The following PALM2AKAP2 variants were observed in gnomAD, a reference collection of about 807,000 sequenced individuals.
PALM2AKAP2 encodes the protein PALM2-AKAP2 fusion protein.
In PALM2AKAP2, 37 loss-of-function variants were observed where a neutral mutation model predicts 71.5. That is an observed-to-expected ratio of 0.52 (90% CI 0.40 to 0.68). The LOEUF is 0.68. Among genes scored for constraint, PALM2AKAP2 ranks in the 30% least tolerant of loss-of-function variants. The probability of loss-of-function intolerance (pLI) is 0.00; values close to 1 mark genes in which losing one functional copy is unlikely to be tolerated. For synonymous variants in PALM2AKAP2, 468 were observed against 478.8 expected (o/e 0.98, Z 0.29); for missense variants, 1,224 against 1,191.8 (o/e 1.03, Z -0.40).
intron 1 of PALM2AKAP2, chr9:109,867,180 G>A: frequency 2.3e-6 from 1 of 426,160 alleles, no homozygotes; most frequent in Middle Eastern, 5.4e-4. Flanking sequence ...GTGTGTGTGT[G>A]TGTGTGTGTG....
rs1554724207 is a variant in PALM2AKAP2 at position 109,893,442 on chromosome 9, C to CATTTTGTTTT, written c.257+12761_257+12762insATTTTGTTTT. Among the ~76,000 whole-genome samples the CATTTTGTTTT allele has an allele frequency of 2.0e-5, 3 of 151,268 alleles. No homozygotes were observed. The East Asian group carries it at 5.9e-4, about 30-fold the overall frequency. On this transcript the variant is annotated intron_variant, in intron 3 of 9. Coordinates refer to the PALM2AKAP2 transcript ENST00000302798. ...GCTAGAGTTATCTCAGCAGGGGTTT[C>CATTTTGTTTT]GTTTTGTTTTGTTTTGTTTTTGAGA...
intron 1 of PALM2AKAP2, among the ~76,000 whole-genome samples, chr9:109,828,523 G>A (rs1374496364): frequency 6.6e-6 from 1 of 152,218 alleles, no homozygotes; most frequent in Admixed American, 6.5e-5. Flanking sequence ...GTTCATGTGA[G>A]TTCATGATGA....
At position 110,089,777 on chromosome 9, in the gene PALM2AKAP2, G is replaced by GTTAC. The variant is rs1195331173; in HGVS notation, c.156+40925_156+40928dup. 1.1e-4 allele frequency among the ~76,000 whole-genome samples: 16 copies of GTTAC among 152,244 alleles called. No individual in the cohort carries two copies. In the East Asian group the frequency reaches 3.1e-3, roughly 29 times the overall value. On this transcript the variant is annotated intron_variant, in intron 1 of 3. Coordinates refer to ENST00000374525, the Ensembl canonical transcript of PALM2AKAP2. Reference sequence around the variant, plus strand: ...AGGTGCCTTTGTTTGAACCAATAGTGTTACTTCTCTTTACTGTAAACAGTG... The same window carrying GTTAC: ...AGGTGCCTTTGTTTGAACCAATAGTGTTACTTACTTCTCTTTACTGTAAACAGTG...
intron 1 of PALM2AKAP2, among the ~76,000 whole-genome samples, chr9:109,647,236 ATG>A (rs1827167840): frequency 6.6e-6 from 1 of 152,166 alleles, no homozygotes; most frequent in African/African-American, 2.4e-5. Context: ...TTATCAATGT[ATG>A]TCAGCCTGTG....
At chr9:109,852,215 A>G (rs974392302) in intron 1 of PALM2AKAP2, among the ~76,000 whole-genome samples, 1 of 152,208 alleles carries the variant, frequency 6.6e-6, no homozygotes, top group African/African-American at 2.4e-5. Flanking sequence ...CAAGCCATGA[A>G]CATAGTACCT....
chr9:110,061,372 A>G (rs1224793640), intron 1 of PALM2AKAP2, among the ~76,000 whole-genome samples: 1 of 152,128 alleles, frequency 6.6e-6, no homozygotes, highest in Non-Finnish European at 1.5e-5. Flanking sequence ...TCATGCATGC[A>G]TTGTGATCAA....
At chr9:109,737,430 T>G (rs751601406) in intron 1 of PALM2AKAP2, among the ~76,000 whole-genome samples, 12 of 152,248 alleles carry the variant, frequency 7.9e-5, no homozygotes, top group Non-Finnish European at 1.2e-4. Context: ...TCAGCTTGAT[T>G]GTACAAAGTG....
At chr9:110,000,467 A>G (rs1408420904) in intron 6 of PALM2AKAP2, among the ~76,000 whole-genome samples, 2 of 152,214 alleles carry the variant, frequency 1.3e-5, no homozygotes, top group Non-Finnish European at 2.9e-5. Flanking sequence ...CTGCCGCAAT[A>G]AACATATGTG....
intron 1 of PALM2AKAP2, among the ~76,000 whole-genome samples, chr9:109,826,049 T>C (rs964650991): frequency 3.3e-5 from 5 of 152,228 alleles, no homozygotes; most frequent in African/African-American, 1.2e-4. Context: ...AAAGGATGGG[T>C]TCATGTCCTT....
At chr9:109,822,758 A>T (rs1828043796) in intron 1 of PALM2AKAP2, among the ~76,000 whole-genome samples, 1 of 152,060 alleles carries the variant, frequency 6.6e-6, no homozygotes, top group Non-Finnish European at 1.5e-5. Context: ...TACCACATTG[A>T]TGTCCACCAT....
chr9:109,804,250 G>GA (rs1387828683), intron 1 of PALM2AKAP2, among the ~76,000 whole-genome samples: 6 of 152,238 alleles, frequency 3.9e-5, no homozygotes, highest in African/African-American at 1.4e-4. Flanking sequence ...GCATGGCATG[G>GA]AGGAAATAAG....
chr9:109,974,899 G>T (rs1204063892), intron 6 of PALM2AKAP2, among the ~76,000 whole-genome samples: 1 of 152,192 alleles, frequency 6.6e-6, no homozygotes, highest in African/African-American at 2.4e-5. Flanking sequence ...CATCTGAAAG[G>T]TGAGCACATA....
chr9:110,010,943 C>G (rs1465809522), intron 6 of PALM2AKAP2, among the ~76,000 whole-genome samples: 1 of 133,096 alleles, frequency 7.5e-6, no homozygotes, highest in African/African-American at 2.8e-5. Flanking sequence ...TTGCCATGAG[C>G]CAAGATGGTG....
At chr9:110,133,139 C>T (rs2119075298) in intron 1 of PALM2AKAP2, among the ~76,000 whole-genome samples, 1 of 152,192 alleles carries the variant, frequency 6.6e-6, no homozygotes, top group East Asian at 1.9e-4. Flanking sequence ...TTTTTGAATC[C>T]TAAAAAGAAA....
intron 3 of PALM2AKAP2, among the ~76,000 whole-genome samples, chr9:109,883,481 C>T (rs974716303): frequency 3.9e-5 from 6 of 152,184 alleles, no homozygotes; most frequent in Non-Finnish European, 1.5e-5. Context: ...TGGTGAGCAT[C>T]GTTTCCTCTG....
chr9:110,085,473 A>G (rs1401886742), intron 1 of PALM2AKAP2, among the ~76,000 whole-genome samples: 1 of 147,916 alleles, frequency 6.8e-6, no homozygotes, highest in East Asian at 1.9e-4. Context: ...TTCTTGATGT[A>G]TGGATGTAGA....
intron 3 of PALM2AKAP2, among the ~76,000 whole-genome samples, chr9:110,162,785 C>T (rs1048371788): frequency 6.6e-6 from 1 of 152,234 alleles, no homozygotes; most frequent in Non-Finnish European, 1.5e-5. Flanking sequence ...TCACTGTAGC[C>T]TTAACCTCCT....
At chr9:110,081,147 A>G (rs1325797155) in intron 1 of PALM2AKAP2, among the ~76,000 whole-genome samples, 1 of 152,246 alleles carries the variant, frequency 6.6e-6, no homozygotes, top group African/African-American at 2.4e-5. Context: ...GCCTGGTAAC[A>G]TGCAGTTATT....
intron 7 of PALM2AKAP2, among the ~76,000 whole-genome samples, chr9:110,041,338 TA>T (rs1424181549): frequency 1.3e-5 from 2 of 152,112 alleles, no homozygotes; most frequent in African/African-American, 4.8e-5. Flanking sequence ...TTTACATGTA[TA>T]TTACAATGGG....
Sources: gnomAD v4.1 joint callset for allele counts (sites outside exome capture counted in the v4.1 genomes callset) on GRCh38, gnomAD v4.1.1 for gene constraint, MANE v1.5 for transcripts, NCBI Gene and HGNC (gene_info 2026-07-23, HGNC 2026-07-21) for gene names.